TMC2: variants seen among roughly 807,000 people sequenced by gnomAD.
TMC2 encodes transmembrane channel-like protein 2.
TMC2 carries 102 observed loss-of-function variants against 105.9 expected under a neutral mutation model. The ratio of observed to expected loss-of-function variants is 0.96; its 90% CI spans 0.82 to 1.14. The LOEUF (loss-of-function observed/expected upper bound fraction) is 1.14, where lower values mean the gene tolerates loss of function less well. Among genes scored for constraint, TMC2 ranks in the 50% most tolerant of loss-of-function variants. The pLI is 0.00. For synonymous variants in TMC2, 402 were observed against 422.8 expected, an observed-to-expected ratio of 0.95 and a Z score of 0.60; for missense variants, 1,093 against 1,134.3, an observed-to-expected ratio of 0.96 and a Z score of 0.52.
chr20:2,600,692 C>T (rs4815399), intron 10 of TMC2, among the ~76,000 whole-genome samples: 26,414 of 152,034 alleles, frequency 0.17, 2,857 homozygotes, highest in East Asian at 0.29. Flanking sequence ...GGCATGGTGG[C>T]GGGTGCCTGT....
At chr20:2,538,432 G>A (rs1184298464) in intron 2 of TMC2, among the ~76,000 whole-genome samples, 1 of 152,142 alleles carries the variant, frequency 6.6e-6, no homozygotes, top group African/African-American at 2.4e-5. Context: ...GCCCCAGGGT[G>A]GCCAGACGAG....
At chr20:2,548,178 G>A (rs115671009) in intron 2 of TMC2, among the ~76,000 whole-genome samples, 1,917 of 152,180 alleles carry the variant, frequency 0.013, 34 homozygotes, top group African/African-American at 0.043. Flanking sequence ...CACAACTTTC[G>A]ACAAACACAC....
intron 16 of TMC2, among the ~76,000 whole-genome samples, chr20:2,618,891 G>A (rs955624634): frequency 1.3e-5 from 2 of 152,146 alleles, no homozygotes; most frequent in African/African-American, 2.4e-5. Context: ...TAGTGTCTCC[G>A]TCCTTATTGA....
intron 4 of TMC2, among the ~76,000 whole-genome samples, chr20:2,568,394 G>T (rs1384437698): frequency 6.6e-6 from 1 of 152,166 alleles, no homozygotes; most frequent in African/African-American, 2.4e-5. Context: ...CATAAACCAG[G>T]TGGACTCTTC....
At chr20:2,597,079 T>C in intron 9 of TMC2, 72 bp from the exon 10 acceptor site, 1 of 1,547,650 alleles carries the variant, frequency 6.5e-7, no homozygotes, top group East Asian at 2.3e-5. Context: ...CGAGACTGGC[T>C]AGGCCAAGGT....
At position 2,572,156 on chromosome 20, in the gene TMC2, C is replaced by CTTT. The variant is rs371954216; in HGVS notation, c.555-11_555-9dup. 4.6e-3 allele frequency: 5,866 copies of CTTT among 1,269,900 alleles called. 3 individuals are homozygous for CTTT. The highest frequency in any genetic ancestry group is 5.2e-3 in the Non-Finnish European group (4,725 of 907,498). The allele number at this position is 1,269,900 out of a possible 1,614,324, so 78.7% of individuals were successfully genotyped here. On this transcript the variant is annotated intron_variant, in intron 4 of 19. Coordinates refer to ENST00000358864, the MANE Select transcript of TMC2 (RefSeq NM_080751.3). ...TGGTTAGGTGCTAACTGAAATCCTG[C>CTTT]TTTTTTTTTTTTTTCTAAGCAGGGA...
chr20:2,581,132 TG>T (rs1406093222), intron 7 of TMC2, among the ~76,000 whole-genome samples: 5 of 152,030 alleles, frequency 3.3e-5, no homozygotes, highest in Non-Finnish European at 7.3e-5. Flanking sequence ...GTGAGCATAT[TG>T]GAGTCAATTC....
At chr20:2,633,003 T>C (rs1008591444) in intron 17 of TMC2, among the ~76,000 whole-genome samples, 3 of 152,272 alleles carry the variant, frequency 2.0e-5, no homozygotes, top group African/African-American at 7.2e-5. Flanking sequence ...TTTGTTGTTA[T>C]AATTGTTGTC....
At chr20:2,619,476 C>A (rs890858322) in intron 16 of TMC2, among the ~76,000 whole-genome samples, 2 of 152,110 alleles carry the variant, frequency 1.3e-5, no homozygotes, top group African/African-American at 4.8e-5. Flanking sequence ...AGTTACAAGG[C>A]AGATTAGCAT....
intron 10 of TMC2, 88 bp from the exon 11 acceptor site, chr20:2,602,025 T>C (rs890143133): frequency 3.0e-5 from 25 of 839,338 alleles, no homozygotes; most frequent in Middle Eastern, 6.0e-4. Context: ...TCTGGAAATA[T>C]AGAAAGTACT....
chr20:2,543,451 T>C (rs1351247924), intron 2 of TMC2, among the ~76,000 whole-genome samples: 10 of 152,272 alleles, frequency 6.6e-5, no homozygotes, highest in African/African-American at 2.4e-4. Context: ...AGAGCTGGAA[T>C]GAGACTGGGT....
chr20:2,551,655 A>G (rs756923426), intron 2 of TMC2, among the ~76,000 whole-genome samples: 4 of 152,058 alleles, frequency 2.6e-5, no homozygotes, highest in Admixed American at 6.6e-5. Flanking sequence ...TTTATGATCC[A>G]TTTGGAGTTA....
chr20:2,555,012 T>C (rs1239711686), intron 2 of TMC2, among the ~76,000 whole-genome samples: 2 of 152,232 alleles, frequency 1.3e-5, no homozygotes, highest in African/African-American at 4.8e-5. Flanking sequence ...TGTCAGTGGT[T>C]GATAGAGGAA....
At chr20:2,604,440 G>C (rs1418920607) in intron 11 of TMC2, among the ~76,000 whole-genome samples, 1 of 152,170 alleles carries the variant, frequency 6.6e-6, no homozygotes, top group Non-Finnish European at 1.5e-5. Flanking sequence ...TCTATTTTGA[G>C]ACATTAGGAT....
rs963478964 is a variant in TMC2, at chr20:2,581,026, G to A, written c.834+970G>A. 3.9e-5 allele frequency among the ~76,000 whole-genome samples: 6 copies of A among 152,314 alleles called. No individual in the cohort carries two copies. In the East Asian group the frequency reaches 1.2e-3, roughly 29 times the overall value. ...TGGGTCTACTTCAACAGCTTTCAGAGGAACAGTATGTGTGCATTTAGTATT... is the reference window on the plus strand; with the variant it reads ...TGGGTCTACTTCAACAGCTTTCAGAAGAACAGTATGTGTGCATTTAGTATT... On this transcript the variant is annotated intron_variant, in intron 7 of 19. Coordinates refer to ENST00000358864, the MANE Select transcript of TMC2 (RefSeq NM_080751.3).
chr20:2,635,188 T>G (rs996607061), intron 17 of TMC2, among the ~76,000 whole-genome samples: 2 of 152,180 alleles, frequency 1.3e-5, no homozygotes, highest in African/African-American at 4.8e-5. Context: ...AAAGAAAGCC[T>G]GGGCTGCAGC....
At chr20:2,602,405 G>T in intron 11 of TMC2, 104 bp downstream of exon 11, 1 of 821,956 alleles carries the variant, frequency 1.2e-6, no homozygotes, top group Non-Finnish European at 1.8e-6. Flanking sequence ...TTATAGGCTT[G>T]TTTTAATAAG....
intron 2 of TMC2, among the ~76,000 whole-genome samples, chr20:2,552,258 T>TAAAC (rs1003512596): frequency 2.6e-5 from 4 of 152,150 alleles, no homozygotes; most frequent in Admixed American, 6.6e-5. Flanking sequence ...ACCCTGTCTC[T>TAAAC]AAACAAACAA....
intron 16 of TMC2, 146 bp downstream of exon 16, chr20:2,617,457 G>A (rs1437351800): frequency 6.5e-6 from 7 of 1,077,354 alleles, no homozygotes; most frequent in Non-Finnish European, 1.3e-6. Flanking sequence ...ATTTAAGAGG[G>A]TTTTCTGCCA....
Sources: gnomAD v4.1 joint callset for allele counts (sites outside exome capture counted in the v4.1 genomes callset) on GRCh38, gnomAD v4.1.1 for gene constraint, MANE v1.5 for transcripts, NCBI Gene and HGNC (gene_info 2026-07-23, HGNC 2026-07-21) for gene names.